Variants in MYCBP2 observed in about 807,000 individuals in gnomAD.
MYCBP2 encodes E3 ubiquitin-protein ligase MYCBP2.
A neutral mutation model predicts 525.3 loss-of-function variants in MYCBP2; 120 were observed. That is an observed-to-expected ratio of 0.23 (90% CI 0.20 to 0.27). The LOEUF (loss-of-function observed/expected upper bound fraction) is 0.27. Ranked by LOEUF, MYCBP2 falls within the 10% of genes least tolerant of loss-of-function variation. MYCBP2 has a pLI of 1.00. For synonymous variants in MYCBP2, 1,894 were observed against 1,955.8 expected (o/e 0.97, Z 0.83); for missense variants, 4,149 against 5,657.1 (o/e 0.73, Z 8.55).
chr13:77,281,805 TTTAG>T (rs1367703852), intron 3 of MYCBP2, among the ~76,000 whole-genome samples: 6 of 152,196 alleles, frequency 3.9e-5, no homozygotes, highest in Non-Finnish European at 7.3e-5. Flanking sequence ...ATCATAAAAG[TTTAG>T]TTACATCACA....
At chr13:77,183,543 T>TA (rs1258389979) in intron 32 of MYCBP2, among the ~76,000 whole-genome samples, 1 of 95,054 alleles carries the variant, frequency 1.1e-5, no homozygotes, top group Non-Finnish European at 2.1e-5. Context: ...CCCTATTTCT[T>TA]TTTTTTTTTT....
At chr13:77,126,295 C>G in intron 53 of MYCBP2, 23 bp downstream of exon 53, 3 of 1,595,404 alleles carry the variant, frequency 1.9e-6, no homozygotes, top group Non-Finnish European at 2.6e-6. Flanking sequence ...TCTTAGAAGT[C>G]ATGAAGCTAC....
chr13:77,114,311 T>C (rs1031769643), intron 55 of MYCBP2, among the ~76,000 whole-genome samples: 3 of 152,068 alleles, frequency 2.0e-5, no homozygotes, highest in Non-Finnish European at 4.4e-5. Flanking sequence ...CCTCAAAGCA[T>C]GAGAGGTATT....
At chr13:77,086,349 T>C (rs898850830) in intron 62 of MYCBP2, among the ~76,000 whole-genome samples, 44 of 152,096 alleles carry the variant, frequency 2.9e-4, no homozygotes, top group Admixed American at 2.2e-3. Flanking sequence ...TGAAAGCTAA[T>C]ATTTTTTTCT....
chr13:77,205,636 T>C, intron 24 of MYCBP2, 38 bp from the exon 25 acceptor site: 1 of 1,588,068 alleles, frequency 6.3e-7, no homozygotes, highest in Non-Finnish European at 8.6e-7. Context: ...CTCCTTGAAA[T>C]TAAAATGTCC....
chr13:77,212,097 G>T lies in MYCBP2; in HGVS notation c.3121C>A (p.Pro1041Thr), dbSNP rs1184883858. 1 of 1,613,926 alleles carries T rather than the reference G, an allele frequency of 6.2e-7. No individual in the cohort carries two copies. The highest frequency in any genetic ancestry group is 1.7e-5 in the Admixed American group (1 of 59,990). The change falls in exon 22 of 83, where the codon CCT becomes ACT. Residue 1041 changes from proline to threonine, a missense_variant. Physicochemically the swap from Pro to Thr is conservative, Grantham distance 38. Transcript: ENST00000544440. ...PYWNAKPAPM[P>T]NIGSKYGRKA... ...CTTCCATATTTTGATCCAATGTTAG[G>T]CATGGGAGCTGGCTTTGCATTCCAA...
At chr13:77,164,208 C>T (rs1052081204) in intron 43 of MYCBP2, among the ~76,000 whole-genome samples, 2 of 152,048 alleles carry the variant, frequency 1.3e-5, no homozygotes, top group Non-Finnish European at 2.9e-5. Context: ...ACACTATACC[C>T]ACTGCCTGGC....
intron 52 of MYCBP2, among the ~76,000 whole-genome samples, chr13:77,138,702 A>G (rs576871959): frequency 6.6e-6 from 1 of 152,338 alleles, no homozygotes; most frequent in African/African-American, 2.4e-5. Flanking sequence ...ACTAGAATAC[A>G]ACGGAGCACC....
In MYCBP2 at chr13:77,206,782, C is replaced by G. The variant is rs2063391517; in HGVS notation, c.3460G>C (p.Val1154Leu). The change falls in exon 24 of 83, where the codon GTT becomes CTT. Residue 1154 changes from valine (V) to leucine (L), a missense_variant. Val to Leu is a conservative substitution (Grantham distance 32, BLOSUM62 1). Transcript: ENST00000544440. ...TRELWCYNAVVADARLPSAAD... is the reference protein window; with the variant it reads ...TRELWCYNAVLADARLPSAAD... ...GCAGAGGGAAGCCTGGCATCAGCAA[C>G]CACCGCATTGTAACACCACAGCTCT... 1 of 1,610,708 alleles carries G rather than the reference C, an allele frequency of 6.2e-7. No homozygotes were observed. The highest frequency in any genetic ancestry group is 8.5e-7 in the Non-Finnish European group (1 of 1,177,968).
At chr13:77,213,076 C>G (rs1380473869) in intron 21 of MYCBP2, among the ~76,000 whole-genome samples, 1 of 152,188 alleles carries the variant, frequency 6.6e-6, no homozygotes, top group Non-Finnish European at 1.5e-5. Flanking sequence ...GGGAAGGAAA[C>G]ATGGCAAGCA....
chr13:77,229,121 A>T (rs1287030261), intron 18 of MYCBP2, among the ~76,000 whole-genome samples: 1 of 152,190 alleles, frequency 6.6e-6, no homozygotes, highest in Non-Finnish European at 1.5e-5. Context: ...CTTGGACTGG[A>T]ATCTTGGCTC....
chr13:77,060,224 AAC>A (rs775485407), intron 76 of MYCBP2, among the ~76,000 whole-genome samples: 4 of 152,362 alleles, frequency 2.6e-5, no homozygotes, highest in Admixed American at 1.3e-4. Flanking sequence ...CTGATTTTTA[AAC>A]ACAGATATAA....
rs780166822 is a variant in MYCBP2, at chr13:77,150,721, T to G, written c.7131+13A>C. 14 of 1,601,708 alleles carry G rather than the reference T, an allele frequency of 8.7e-6. No individual in the cohort carries two copies. The South Asian group carries it at 1.5e-4, about 17-fold the overall frequency. On this transcript the variant is annotated intron_variant, in intron 47 of 82. Transcript: ENST00000544440. ...TGAAAACTAAAATTTTTCTGATAAG[T>G]AAAATAAATTACCTTCATCATTGTT...
At position 77,250,030 on chromosome 13, in the gene MYCBP2, C is replaced by T. The variant is rs937209148; in HGVS notation, c.2381+1121G>A. ...CGAGGTCAGGAGATCGAGACCATCCCGGCTAAAACGGTGAAACCCCGTCTC... is the reference window on the plus strand; with the variant it reads ...CGAGGTCAGGAGATCGAGACCATCCTGGCTAAAACGGTGAAACCCCGTCTC... On this transcript the variant is annotated intron_variant, in intron 15 of 82. Transcript: ENST00000544440. Among the ~76,000 whole-genome samples, 23 of 151,706 alleles carry T rather than the reference C, an allele frequency of 1.5e-4. No individual in the cohort carries two copies. In the East Asian group the frequency reaches 2.9e-3, roughly 19 times the overall value.
chr13:77,273,047 T>TA (rs1290985673), intron 5 of MYCBP2, among the ~76,000 whole-genome samples: 2 of 152,136 alleles, frequency 1.3e-5, no homozygotes, highest in Non-Finnish European at 2.9e-5. Context: ...AATCAATTCA[T>TA]AAAAAAATCA....
At chr13:77,304,321 T>G (rs1326749068) in intron 1 of MYCBP2, among the ~76,000 whole-genome samples, 1 of 152,180 alleles carries the variant, frequency 6.6e-6, no homozygotes, top group Non-Finnish European at 1.5e-5. Flanking sequence ...ATTCTGTCAT[T>G]TGCAGCACCG....
intron 17 of MYCBP2, 150 bp downstream of exon 17, chr13:77,242,909 T>C (rs1324467065): frequency 1.7e-5 from 11 of 634,464 alleles, no homozygotes; most frequent in Non-Finnish European, 3.1e-5. Flanking sequence ...ACCCTGAATA[T>C]TTTCCCATTA....
At chr13:77,056,907 C>G (rs1322940831) in intron 79 of MYCBP2, 79 bp downstream of exon 79, 3 of 1,103,776 alleles carry the variant, frequency 2.7e-6, no homozygotes, top group Non-Finnish European at 2.7e-6. Context: ...CCAAGAGATA[C>G]TGACATATGT....
At chr13:77,194,919 A>C (rs970966141) in intron 26 of MYCBP2, among the ~76,000 whole-genome samples, 1 of 152,188 alleles carries the variant, frequency 6.6e-6, no homozygotes, top group Non-Finnish European at 1.5e-5. Flanking sequence ...AAAGAGGGGA[A>C]GATCCTCTGG....
Sources: gnomAD v4.1 joint callset for allele counts (sites outside exome capture counted in the v4.1 genomes callset) on GRCh38, gnomAD v4.1.1 for gene constraint, MANE v1.5 for transcripts, NCBI Gene and HGNC (gene_info 2026-07-23, HGNC 2026-07-21) for gene names.